The following NSUN3 variants were observed in gnomAD, a reference collection of about 807,000 sequenced individuals.
NSUN3 encodes the protein tRNA (cytosine(34)-C(5))-methyltransferase, mitochondrial.
In NSUN3, 24 loss-of-function variants were observed where a neutral mutation model predicts 36.8. The observed-to-expected ratio is 0.65, with a 90% CI of 0.47 to 0.92. The LOEUF (loss-of-function observed/expected upper bound fraction) is 0.92. NSUN3 is among the 40% of genes least tolerant of loss of function. NSUN3 has a pLI of 0.00. For synonymous variants in NSUN3, 146 were observed against 145.2 expected (o/e 1.01, Z -0.04); for missense variants, 381 against 392.8 (o/e 0.97, Z 0.25).
intron 2 of NSUN3, among the ~76,000 whole-genome samples, chr3:94,083,231 G>T (rs1269556169): frequency 6.6e-6 from 1 of 151,982 alleles, no homozygotes; most frequent in East Asian, 1.9e-4. Flanking sequence ...TAACAGTAGA[G>T]GGTCTTGACT....
intron 5 of NSUN3, among the ~76,000 whole-genome samples, chr3:94,102,859 A>G (rs147839517): frequency 1.2e-4 from 18 of 152,072 alleles, no homozygotes; most frequent in Non-Finnish European, 2.6e-4. Flanking sequence ...ATTTATTTAC[A>G]TTATCTACTT....
At chr3:94,102,343 GAAAAATAATATT>G in intron 5 of NSUN3, among the ~76,000 whole-genome samples, 1 of 151,854 alleles carries the variant, frequency 6.6e-6, no homozygotes, top group African/African-American at 2.4e-5. Context: ...GTTTATATTG[GAAAAATAATATT>G]TGAATATATG....
At chr3:94,100,198 GA>G (rs1438540066) in intron 5 of NSUN3, among the ~76,000 whole-genome samples, 1 of 152,166 alleles carries the variant, frequency 6.6e-6, no homozygotes, top group Non-Finnish European at 1.5e-5. Flanking sequence ...GAAACTTTCT[GA>G]TTGTACTATT....
chr3:94,092,620 T>C (rs1399141786), intron 3 of NSUN3, among the ~76,000 whole-genome samples: 1 of 151,998 alleles, frequency 6.6e-6, no homozygotes, highest in South Asian at 2.1e-4. Context: ...TATGGAGCCC[T>C]GGGCCTGGCA....
rs893754650 is a variant in NSUN3 at position 94,100,468 on chromosome 3, G to A, written c.743+5314G>A. On this transcript the variant is annotated intron_variant, in intron 5 of 5. Coordinates refer to ENST00000314622, the MANE Select transcript of NSUN3 (RefSeq NM_022072.5). ...CATATAAAGGTGGTTACTGGAGGCTGAGGGTGAAGGGAAGGATGGGGAAAG... is the reference window on the plus strand; with the variant it reads ...CATATAAAGGTGGTTACTGGAGGCTAAGGGTGAAGGGAAGGATGGGGAAAG... 7.2e-5 allele frequency among the ~76,000 whole-genome samples: 11 copies of A among 152,200 alleles called. No individual in the cohort carries two copies. In the East Asian group the frequency reaches 2.1e-3, roughly 29 times the overall value.
intron 5 of NSUN3, among the ~76,000 whole-genome samples, chr3:94,102,213 A>AAC (rs2077368795): frequency 6.6e-6 from 1 of 151,080 alleles, no homozygotes; most frequent in Admixed American, 6.6e-5. Context: ...AAAAAAAAAA[A>AAC]AAAAAAAAAA....
chr3:94,099,375 C>T (rs1175752493), intron 5 of NSUN3, among the ~76,000 whole-genome samples: 5 of 152,298 alleles, frequency 3.3e-5, no homozygotes, highest in Admixed American at 3.3e-4. Flanking sequence ...GTGGCCACTC[C>T]TCTCTTCCAT....
intron 5 of NSUN3, among the ~76,000 whole-genome samples, chr3:94,114,000 C>T (rs1321597668): frequency 6.6e-6 from 1 of 152,140 alleles, no homozygotes; most frequent in Non-Finnish European, 1.5e-5. Context: ...TGTACAGCAG[C>T]ACTTTAATAG....
At chr3:94,105,012 C>T (rs1301635627) in intron 5 of NSUN3, among the ~76,000 whole-genome samples, 1 of 152,014 alleles carries the variant, frequency 6.6e-6, no homozygotes, top group Non-Finnish European at 1.5e-5. Context: ...CAAAACTGAG[C>T]CAATAAGTAT....
chr3:94,102,693 T>C (rs146159047), intron 5 of NSUN3, among the ~76,000 whole-genome samples: 4 of 152,236 alleles, frequency 2.6e-5, no homozygotes, highest in Non-Finnish European at 5.9e-5. Context: ...AGTTTACTGA[T>C]CAAAGTATTA....
intron 2 of NSUN3, among the ~76,000 whole-genome samples, chr3:94,080,292 G>A (rs1441557838): frequency 1.3e-5 from 2 of 152,210 alleles, no homozygotes; most frequent in Non-Finnish European, 2.9e-5. Context: ...TTTTGTCCCA[G>A]AGGGGCACTT....
intron 5 of NSUN3, among the ~76,000 whole-genome samples, chr3:94,114,038 C>G (rs1293861344): frequency 1.3e-5 from 2 of 152,168 alleles, no homozygotes; most frequent in African/African-American, 2.4e-5. Context: ...TATAAAAGGA[C>G]TGCTAGGTAA....
chr3:94,106,941 AT>A (rs1430543938), intron 5 of NSUN3, among the ~76,000 whole-genome samples: 9 of 152,190 alleles, frequency 5.9e-5, no homozygotes, highest in African/African-American at 1.9e-4. Context: ...TGGTTTTACC[AT>A]TTGTTAAATT....
intron 2 of NSUN3, chr3:94,076,558 G>C (rs1033073899): frequency 7.3e-6 from 6 of 820,604 alleles, no homozygotes; most frequent in South Asian, 2.7e-5. Context: ...GAACAGCACT[G>C]ATGTCCCACG....
At chr3:94,108,256 A>C (rs2077399467) in intron 5 of NSUN3, among the ~76,000 whole-genome samples, 1 of 152,150 alleles carries the variant, frequency 6.6e-6, no homozygotes, top group African/African-American at 2.4e-5. Context: ...AACTCTATTC[A>C]GAATTTTTGT....
intron 5 of NSUN3, among the ~76,000 whole-genome samples, chr3:94,110,979 C>T (rs2077414341): frequency 6.6e-6 from 1 of 152,022 alleles, no homozygotes; most frequent in Non-Finnish European, 1.5e-5. Flanking sequence ...CTACTAATTA[C>T]CTGGACAACC....
At chr3:94,107,338 C>T (rs1248807376) in intron 5 of NSUN3, among the ~76,000 whole-genome samples, 4 of 152,092 alleles carry the variant, frequency 2.6e-5, no homozygotes, top group Non-Finnish European at 5.9e-5. Flanking sequence ...CTCACTCTGT[C>T]GTCCAGGAGT....
rs1405871908 is a variant in NSUN3 at position 94,130,577 on chromosome 3, T to C, written c.*4087T>C. 6.6e-6 allele frequency among the ~76,000 whole-genome samples: 1 copy of C among 152,184 alleles called. No homozygotes were observed. The highest frequency in any genetic ancestry group is 1.5e-5 in the Non-Finnish European group (1 of 68,026). On this transcript the variant is annotated 3_prime_UTR_variant, in exon 6 of 6. Transcript: ENST00000314622. ...CTAGAAAAAACATGGTCTTGTAACATGTTATTTTCTTAGATCACTGGTTTC... is the reference window on the plus strand; with the variant it reads ...CTAGAAAAAACATGGTCTTGTAACACGTTATTTTCTTAGATCACTGGTTTC...
chr3:94,107,259 A>G (rs1335811423), intron 5 of NSUN3, among the ~76,000 whole-genome samples: 1 of 151,968 alleles, frequency 6.6e-6, no homozygotes, highest in Non-Finnish European at 1.5e-5. Flanking sequence ...TGCTGTATCA[A>G]ATTAGGCATA....
Sources: allele counts gnomAD v4.1 joint callset (sites outside exome capture counted in the v4.1 genomes callset), GRCh38; gene constraint gnomAD v4.1.1; transcripts MANE v1.5; gene names NCBI Gene and HGNC (gene_info 2026-07-23, HGNC 2026-07-21).